Variants in DNAH5 observed in about 807,000 individuals in gnomAD.
The protein encoded by DNAH5 is axonemal beta dynein heavy chain 5.
Under a neutral mutation model 518.2 loss-of-function variants are expected in DNAH5, and 372 were observed. The ratio of observed to expected loss-of-function variants is 0.72; its 90% CI spans 0.66 to 0.78. The LOEUF is 0.78. DNAH5 is among the 30% of genes least tolerant of loss of function. The probability of loss-of-function intolerance (pLI) is 0.00; values close to 1 mark genes in which losing one functional copy is unlikely to be tolerated. For missense variants in DNAH5, 5,523 were observed against 5,687.0 expected (o/e 0.97, Z 0.93); for synonymous variants, 2,039 against 2,025.9 (o/e 1.01, Z -0.17).
rs1254602684 is a variant in DNAH5 at position 13,998,880 on chromosome 5, C to CT, written c.12+12767dup. On this transcript the variant is annotated intron_variant, in intron 1 of 78. Coordinates refer to the DNAH5 transcript ENST00000681290. Reference sequence around the variant, plus strand: ...TTTTCCCCATGGCCATTGATTACTTCTTTTTTCTTGAAACGGGGTCTCACT... The same window carrying CT: ...TTTTCCCCATGGCCATTGATTACTTCTTTTTTTCTTGAAACGGGGTCTCACT... Among the ~76,000 whole-genome samples the CT allele has an allele frequency of 2.6e-4, 39 of 152,136 alleles. 2 individuals are homozygous for CT. Among genetic ancestry groups the CT allele is most frequent in the African/African-American group, 8.7e-4 (36 of 41,522 alleles).
chr5:13,866,748 G>A (rs190367837), intron 25 of DNAH5, among the ~76,000 whole-genome samples: 34 of 152,242 alleles, frequency 2.2e-4, no homozygotes, highest in African/African-American at 7.9e-4. Context: ...CATCCATGGC[G>A]TTGGTACATG....
At chr5:13,764,627 T>C (rs772440868) in intron 59 of DNAH5, among the ~76,000 whole-genome samples, 3 of 152,174 alleles carry the variant, frequency 2.0e-5, no homozygotes, top group Non-Finnish European at 4.4e-5. Context: ...TTTTGAAAAC[T>C]CTTCAGCACT....
chr5:13,721,329 T>C (rs1477948626), intron 70 of DNAH5, 84 bp from the exon 71 acceptor site: 3 of 1,552,296 alleles, frequency 1.9e-6, no homozygotes, highest in African/African-American at 1.4e-5. Flanking sequence ...AAATTCATTT[T>C]TGTAATTATC....
chr5:13,905,184 G>A (rs1775135809), intron 12 of DNAH5, among the ~76,000 whole-genome samples: 1 of 152,152 alleles, frequency 6.6e-6, no homozygotes. Flanking sequence ...GAAACCCATG[G>A]ATCAAGCATG....
At chr5:13,834,528 T>C (rs756760348) in intron 35 of DNAH5, among the ~76,000 whole-genome samples, 3 of 152,216 alleles carry the variant, frequency 2.0e-5, no homozygotes, top group Non-Finnish European at 4.4e-5. Context: ...GCATCTGTTA[T>C]GTGACAGAAC....
chr5:13,919,932 T>C (rs1283910714), intron 6 of DNAH5, among the ~76,000 whole-genome samples: 2 of 152,236 alleles, frequency 1.3e-5, no homozygotes, highest in South Asian at 4.1e-4. Context: ...AATCAAAAAC[T>C]ACCTATTTAA....
intron 1 of DNAH5, among the ~76,000 whole-genome samples, chr5:13,967,888 T>G (rs1194051411): frequency 6.6e-6 from 1 of 151,334 alleles, no homozygotes; most frequent in Non-Finnish European, 1.5e-5. Context: ...TGCATTGAAT[T>G]TGTAGATTGC....
chr5:13,929,098 A>C (rs926070807), intron 2 of DNAH5, among the ~76,000 whole-genome samples: 1 of 152,246 alleles, frequency 6.6e-6, no homozygotes, highest in South Asian at 2.1e-4. Context: ...AAAGTGACAG[A>C]TAAAGCGATA....
intron 71 of DNAH5, among the ~76,000 whole-genome samples, chr5:13,719,716 CCAGGT>C (rs1396562535): frequency 6.6e-6 from 1 of 152,086 alleles, no homozygotes; most frequent in East Asian, 1.9e-4. Flanking sequence ...CACACTGAAA[CCAGGT>C]GAAAGAATGA....
chr5:13,766,361 T>G (rs902742192), intron 58 of DNAH5, among the ~76,000 whole-genome samples, 182 bp from the exon 59 acceptor site: 9 of 152,194 alleles, frequency 5.9e-5, no homozygotes, highest in African/African-American at 2.2e-4. Flanking sequence ...AAGTTCACAT[T>G]TCTACTATTC....
rs748161699 is a variant in DNAH5 at position 13,841,873 on chromosome 5, T to G, written c.5303A>C (p.Gln1768Pro). The G allele has an allele frequency of 1.9e-6, 3 of 1,591,720 alleles. No individual in the cohort carries two copies. The highest frequency in any genetic ancestry group is 1.7e-6 in the Non-Finnish European group (2 of 1,173,510). ...IYDRILSISS[Q>P]EGETIELDKP... is the part of the protein sequence containing the mutation. ...ATCCAATTCAATCGTCTCACCCTCT[T>G]GAGAGGAAATTGACAGAATTCGATC... is the stretch of plus-strand genomic sequence containing the variant. Residue 1768 changes from glutamine (Q) to proline (P), a missense_variant, in exon 33 of 79, where the codon CAA becomes CCA. This residue lies in a region of DNAH5 where 5,121 missense variants were observed against 5,223.3 expected (regional missense o/e 0.98). Coordinates refer to ENST00000265104, the MANE Select transcript of DNAH5 (RefSeq NM_001369.3).
At chr5:13,784,194 G>T (rs1209507742) in intron 52 of DNAH5, among the ~76,000 whole-genome samples, 3 of 152,134 alleles carry the variant, frequency 2.0e-5, no homozygotes, top group African/African-American at 4.8e-5. Context: ...TTCAGATTCT[G>T]TCTCCAGCAG....
chr5:13,794,159 T>C, intron 47 of DNAH5, 101 bp from the exon 48 acceptor site: 2 of 1,494,200 alleles, frequency 1.3e-6, no homozygotes, highest in South Asian at 1.2e-5. Flanking sequence ...TGAACTGATA[T>C]GAATTATTTC....
At chr5:13,743,215 G>T (rs924260772) in intron 65 of DNAH5, among the ~76,000 whole-genome samples, 1 of 152,044 alleles carries the variant, frequency 6.6e-6, no homozygotes, top group Non-Finnish European at 1.5e-5. Flanking sequence ...TAGAGAGATA[G>T]ATGATAGATA....
chr5:13,788,732 A>T lies in DNAH5; in HGVS notation c.8631T>A (p.Asp2877Glu), dbSNP rs770895790. The change falls in exon 51 of 79, where the codon GAT becomes GAA. Residue 2877 changes from aspartate to glutamate, a missense_variant. Around this residue, in one of 3 missense-constraint regions of DNAH5, gnomAD observed 5,121 missense variants for 5,223.3 expected, o/e 0.98. Coordinates refer to ENST00000265104, the MANE Select transcript of DNAH5 (RefSeq NM_001369.3). ...IDTYFVDFLR[D>E]APEAAGETSE... ...ATAGTTTACCTGCAGCTTCAGGTGC[A>T]TCTCTCAAGAAATCCACAAAATATG... The T allele has an allele frequency of 3.1e-6, 5 of 1,613,944 alleles. No homozygotes were observed. In the Admixed American group the frequency reaches 5.0e-5, roughly 16 times the overall value.
Position 13,944,399 on chromosome 5 carries a change from C to A in DNAH5, c.40G>T (p.Val14Phe), listed in dbSNP as rs1015850611. 1 of 1,613,678 alleles carries A rather than the reference C, an allele frequency of 6.2e-7. No homozygotes were observed. Among genetic ancestry groups the A allele is most frequent in the African/African-American group, 1.3e-5 (1 of 74,904 alleles). Residue 14 changes from valine (V) to phenylalanine (F), a missense_variant, in exon 1 of 79, where the codon GTC (valine) becomes TTC (phenylalanine). Physicochemically the swap from Val to Phe is conservative, Grantham distance 50. Transcript: ENST00000265104. Reference protein sequence around the residue: ...IGRRQLWKHSVTRVLTQRLKG... With the variant: ...IGRRQLWKHSFTRVLTQRLKG... ...CACCTTACCGTTAAAACTCGAGTGA[C>A]GCTATGCTTCCAGAGCTGTCTCCTC...
rs180755019 is a variant in DNAH5 at position 13,854,366 on chromosome 5, G to A, written c.4951-3551C>T. ...GCCTGCCTTACAAGAGCTCCTGAAG[G>A]AAGCACTAAATACAGAAAGGAAAAA... On this transcript the variant is annotated intron_variant, in intron 30 of 78. Coordinates refer to ENST00000265104, the MANE Select transcript of DNAH5 (RefSeq NM_001369.3). Among the ~76,000 whole-genome samples, 58 of 152,286 alleles carry A rather than the reference G, an allele frequency of 3.8e-4. 1 individual carries two copies. The highest frequency in any genetic ancestry group is 1.4e-3 in the African/African-American group (57 of 41,554).
chr5:13,710,006 A>C (rs146548093), intron 75 of DNAH5, among the ~76,000 whole-genome samples: 1,615 of 152,272 alleles, frequency 0.011, 13 homozygotes, highest in South Asian at 0.021. Context: ...GAGGTCAACC[A>C]GCACAAAAAC....
chr5:13,735,101 G>A lies in DNAH5; in HGVS notation c.11761+30C>T, dbSNP rs1391529447. On this transcript the variant is annotated intron_variant, in intron 68 of 78. Transcript: ENST00000265104. ...CACAATAACTCCTCCATCTGCACCT[G>A]TGCGCTATAGTCTCTATTCTTATAT... is the stretch of plus-strand genomic sequence containing the variant. 5 of 1,606,460 alleles carry A rather than the reference G, an allele frequency of 3.1e-6. No individual in the cohort carries two copies. In the African/African-American group the frequency reaches 4.0e-5, roughly 13 times the overall value.
Sources: gnomAD v4.1 joint callset for allele counts (sites outside exome capture counted in the v4.1 genomes callset) on GRCh38, gnomAD v4.1.1 for gene constraint, gnomAD v4.1.1 regional missense constraint, MANE v1.5 for transcripts, NCBI Gene and HGNC (gene_info 2026-07-23, HGNC 2026-07-21) for gene names.